Variants in CTNNA2 observed in about 807,000 individuals in gnomAD.
CTNNA2 encodes the protein catenin alpha 2.
In CTNNA2, 42 loss-of-function variants were observed where a neutral mutation model predicts 101.0. That is an observed-to-expected ratio of 0.42 (90% CI 0.32 to 0.54). The LOEUF (loss-of-function observed/expected upper bound fraction) is 0.54. Among genes scored for constraint, CTNNA2 ranks in the 20% least tolerant of loss-of-function variants. CTNNA2 has a pLI of 0.14. For missense variants in CTNNA2, 871 were observed against 1,223.1 expected, an observed-to-expected ratio of 0.71 and a Z score of 4.29; for synonymous variants, 450 against 456.4, an observed-to-expected ratio of 0.99 and a Z score of 0.18.
chr2:80,153,738 A>G (rs1703842451), intron 7 of CTNNA2, among the ~76,000 whole-genome samples: 1 of 152,178 alleles, frequency 6.6e-6, no homozygotes, highest in Non-Finnish European at 1.5e-5. Context: ...ATTCAACAAC[A>G]ACAAAAACCA....
chr2:80,446,029 G>A (rs1398155113), intron 9 of CTNNA2, among the ~76,000 whole-genome samples: 4 of 152,134 alleles, frequency 2.6e-5, no homozygotes, highest in African/African-American at 7.2e-5. Flanking sequence ...TGGATACATG[G>A]CAAGACTCTG....
intron 7 of CTNNA2, among the ~76,000 whole-genome samples, chr2:80,133,926 C>A (rs907581614): frequency 6.6e-6 from 1 of 152,158 alleles, no homozygotes; most frequent in African/African-American, 2.4e-5. Flanking sequence ...TCTGTGACCC[C>A]TGTTCCTCAT....
At chr2:80,188,947 T>A (rs1414395963) in intron 7 of CTNNA2, among the ~76,000 whole-genome samples, 1 of 122,060 alleles carries the variant, frequency 8.2e-6, no homozygotes, top group Non-Finnish European at 1.7e-5. Flanking sequence ...GTGGTCACTT[T>A]TTTTTTTTTT....
At chr2:80,249,067 T>G (rs748947841) in intron 7 of CTNNA2, among the ~76,000 whole-genome samples, 6 of 152,152 alleles carry the variant, frequency 3.9e-5, no homozygotes, top group African/African-American at 9.7e-5. Flanking sequence ...TCCTCCATCA[T>G]CAGCAGGCTC....
intron 6 of CTNNA2, among the ~76,000 whole-genome samples, chr2:79,889,691 T>C (rs930921507): frequency 6.6e-6 from 1 of 152,198 alleles, no homozygotes; most frequent in East Asian, 1.9e-4. Flanking sequence ...AATACTAGTT[T>C]TCTTCTTCTC....
At chr2:80,112,445 G>A (rs1284297246) in intron 7 of CTNNA2, among the ~76,000 whole-genome samples, 3 of 152,088 alleles carry the variant, frequency 2.0e-5, no homozygotes, top group Non-Finnish European at 2.9e-5. Flanking sequence ...CTGTGATGGG[G>A]ATATAATTTG....
At chr2:80,275,714 A>C (rs1025300233) in intron 7 of CTNNA2, among the ~76,000 whole-genome samples, 1 of 150,900 alleles carries the variant, frequency 6.6e-6, no homozygotes, top group Non-Finnish European at 1.5e-5. Context: ...GAGAGAGAGA[A>C]AGAGAGAGAG....
chr2:79,264,130 A>G (rs1251644982), intron 2 of CTNNA2, among the ~76,000 whole-genome samples: 1 of 152,144 alleles, frequency 6.6e-6, no homozygotes, highest in Non-Finnish European at 1.5e-5. Context: ...TATAACTGGA[A>G]TGAAGGAGGG....
rs932910623 is a variant in CTNNA2 at position 79,443,710 on chromosome 2, AT to A, written c.-134-61343del. 2.0e-5 allele frequency among the ~76,000 whole-genome samples: 3 copies of A among 152,188 alleles called. 1 individual carries two copies. The highest frequency in any genetic ancestry group is 4.2e-4 in the South Asian group (2 of 4,818). ...TTATAATACATTTTAAGAAAAAAAA[AT>A]ATACTTGCTATTTAAAACCTAAACA... On this transcript the variant is annotated intron_variant, in intron 4 of 21. Coordinates refer to the CTNNA2 transcript ENST00000466387.
intron 1 of CTNNA2, among the ~76,000 whole-genome samples, chr2:79,187,265 C>CTTTTTTTT (rs1156460356): frequency 1.4e-4 from 12 of 83,402 alleles, no homozygotes; most frequent in East Asian, 3.3e-4. Flanking sequence ...CTTTTCTTTT[C>CTTTTTTTT]TTTTCTTTTT....
chr2:79,460,457 C>G (rs1670866612), intron 4 of CTNNA2, among the ~76,000 whole-genome samples: 1 of 152,168 alleles, frequency 6.6e-6, no homozygotes, highest in Admixed American at 6.5e-5. Context: ...TATATTTCTC[C>G]TACAATCAGT....
At chr2:80,625,785 A>G (rs566809884) in intron 18 of CTNNA2, among the ~76,000 whole-genome samples, 3 of 152,038 alleles carry the variant, frequency 2.0e-5, no homozygotes, top group East Asian at 1.9e-4. Flanking sequence ...ATTTATTTCT[A>G]TGTGAAAGCA....
At position 80,303,903 on chromosome 2, in the gene CTNNA2, A is replaced by T; in HGVS notation, c.1057-89308A>T. 1 of 1,419,980 alleles carries T rather than the reference A, an allele frequency of 7.0e-7. No individual in the cohort carries two copies. Among genetic ancestry groups the T allele is most frequent in the Non-Finnish European group, 9.3e-7 (1 of 1,080,580 alleles). 88.0% of individuals were successfully genotyped at this position (1,419,980 alleles called of 1,614,324 possible). Reference sequence around the variant, plus strand: ...TCTACATCATATTTTATTCCGAGGGAGGGGAAGCGGGGGAGGGGGAGAAAA... The same window carrying T: ...TCTACATCATATTTTATTCCGAGGGTGGGGAAGCGGGGGAGGGGGAGAAAA... On this transcript the variant is annotated intron_variant, in intron 7 of 18. Coordinates refer to ENST00000402739, the MANE Select transcript of CTNNA2 (RefSeq NM_001282597.3). The surrounding 1 kb of genome is among the most constrained non-coding windows in gnomAD (Gnocchi z 7.7).
At chr2:79,542,621 A>T (rs764317252) in intron 1 of CTNNA2, among the ~76,000 whole-genome samples, 11 of 152,174 alleles carry the variant, frequency 7.2e-5, no homozygotes, top group Non-Finnish European at 1.3e-4. Context: ...TGATAGTACT[A>T]ACCTATAAAG....
intron 7 of CTNNA2, among the ~76,000 whole-genome samples, chr2:80,070,968 C>A (rs1698302631): frequency 6.6e-6 from 1 of 152,146 alleles, no homozygotes; most frequent in East Asian, 1.9e-4. Context: ...ATATTTAGGG[C>A]CCTACCAAAT....
At chr2:79,380,388 A>T (rs200770131) in intron 4 of CTNNA2, among the ~76,000 whole-genome samples, 1 of 10,922 alleles carries the variant, frequency 9.2e-5, no homozygotes, top group African/African-American at 2.4e-4. Flanking sequence ...ATTTTATGAA[A>T]ATGGAAGATT....
chr2:80,575,931 A>T (rs1695001235), intron 13 of CTNNA2, among the ~76,000 whole-genome samples: 1 of 152,176 alleles, frequency 6.6e-6, no homozygotes, highest in African/African-American at 2.4e-5. Context: ...GTATGTACAA[A>T]TTGTTATTTT....
intron 7 of CTNNA2, among the ~76,000 whole-genome samples, chr2:79,947,424 A>G (rs1057089355): frequency 2.0e-5 from 3 of 152,224 alleles, no homozygotes; most frequent in African/African-American, 7.2e-5. Context: ...GTTTTTAAAA[A>G]TAATACCCTA....
At chr2:80,515,204 GA>G (rs1418998936) in intron 9 of CTNNA2, among the ~76,000 whole-genome samples, 1 of 149,460 alleles carries the variant, frequency 6.7e-6, no homozygotes, top group African/African-American at 2.5e-5. Flanking sequence ...CCATTCTCAT[GA>G]GTTTCAAATA....
Sources: allele counts gnomAD v4.1 joint callset (sites outside exome capture counted in the v4.1 genomes callset), GRCh38; gene constraint gnomAD v4.1.1; non-coding constraint Gnocchi (gnomAD v3.1); transcripts MANE v1.5; gene names NCBI Gene and HGNC (gene_info 2026-07-23, HGNC 2026-07-21).